SMAP2: variants seen among roughly 807,000 people sequenced by gnomAD.
SMAP2 encodes the protein small ArfGAP2.
SMAP2 carries 25 observed loss-of-function variants against 56.4 expected under a neutral mutation model. That is an observed-to-expected ratio of 0.44 (90% CI 0.32 to 0.62). The LOEUF (loss-of-function observed/expected upper bound fraction) is 0.62, where lower values mean the gene tolerates loss of function less well. Ranked by LOEUF, SMAP2 falls within the 20% of genes least tolerant of loss-of-function variation. SMAP2 has a pLI of 0.04. For missense variants in SMAP2, 388 were observed against 545.6 expected, an observed-to-expected ratio of 0.71 and a Z score of 2.88; for synonymous variants, 157 against 181.7, an observed-to-expected ratio of 0.86 and a Z score of 1.09.
At chr1:40,413,137 C>G (rs12068474) in intron 5 of SMAP2, 35 bp downstream of exon 5, 1 of 1,496,342 alleles carries the variant, frequency 6.7e-7, no homozygotes, top group Non-Finnish European at 9.3e-7. Context: ...TATGGACAGC[C>G]TCAGGTATGT....
In SMAP2 at chr1:40,422,514, A is replaced by T. The variant is rs1198291821; in HGVS notation, c.*413A>T. The stretch of plus-strand genomic sequence containing the variant: ...AGAGGTCCTTCTATATGTGTTAATA[A>T]GCTGTTTCTAAGTGTTTAAATTTGA... On this transcript the variant is annotated 3_prime_UTR_variant, in exon 10 of 10. Transcript: ENST00000372718. The T allele has an allele frequency of 5.7e-6, 1 of 176,362 alleles. No individual in the cohort carries two copies. Among genetic ancestry groups the T allele is most frequent in the African/African-American group, 2.3e-5 (1 of 42,736 alleles). 10.9% of individuals were successfully genotyped at this position (176,362 alleles called of 1,614,324 possible).
Position 40,385,580 on chromosome 1 carries a change from G to A in SMAP2, c.103+11357G>A, listed in dbSNP as rs1644645185. 6.6e-6 allele frequency among the ~76,000 whole-genome samples: 1 copy of A among 152,242 alleles called. No homozygotes were observed. Among genetic ancestry groups the A allele is most frequent in the Admixed American group, 6.5e-5 (1 of 15,282 alleles). On this transcript the variant is annotated intron_variant, in intron 1 of 9. Transcript: ENST00000372718. The surrounding 1 kb of genome is among the most constrained non-coding windows in gnomAD (Gnocchi z 4.5). ...TATTGAAACAGTGAAGCAAATGCGA[G>A]AGGGAGAGAGACCTACTCTCAGCTG... is the stretch of plus-strand genomic sequence containing the variant.
intron 1 of SMAP2, among the ~76,000 whole-genome samples, chr1:40,355,866 C>T (rs1359401564): frequency 1.3e-5 from 2 of 151,994 alleles, no homozygotes; most frequent in Non-Finnish European, 2.9e-5. Flanking sequence ...TGCCTCAGCC[C>T]CCCCAAAATG....
chr1:40,409,347 A>G (rs1644914025), intron 3 of SMAP2, among the ~76,000 whole-genome samples: 1 of 152,174 alleles, frequency 6.6e-6, no homozygotes, highest in South Asian at 2.1e-4. Context: ...CAGAAGACCC[A>G]CTGGTCAGAA....
chr1:40,368,187 G>A (rs1216868642), intron 2 of SMAP2, among the ~76,000 whole-genome samples: 1 of 143,448 alleles, frequency 7.0e-6, no homozygotes, highest in Non-Finnish European at 1.5e-5. Context: ...CCAATAACAG[G>A]AGCTGAAATT....
Position 40,388,247 on chromosome 1 carries a change from C to T in SMAP2, c.103+14024C>T, listed in dbSNP as rs111694426. Among the ~76,000 whole-genome samples the T allele has an allele frequency of 9.8e-4, 149 of 152,352 alleles. 1 individual carries two copies. The highest frequency in any genetic ancestry group is 3.3e-3 in the African/African-American group (136 of 41,600). On this transcript the variant is annotated intron_variant, in intron 1 of 9. Coordinates refer to ENST00000372718, the MANE Select transcript of SMAP2 (RefSeq NM_022733.3). ...GGCTGAGGTGTGTGGGCGCACAGCG[C>T]GGGACTGGCGGGCAGCTCCACCTGC...
At position 40,421,037 on chromosome 1, in the gene SMAP2, G is replaced by A. The variant is rs977927779; in HGVS notation, c.1165-939G>A. Among the ~76,000 whole-genome samples the A allele has an allele frequency of 2.7e-5, 4 of 150,014 alleles. No homozygotes were observed. The East Asian group carries it at 7.8e-4, about 29-fold the overall frequency. Reference sequence around the variant, plus strand: ...GGAATGAAATGTCGTGATAGCTGCAGCTTTTTTTTTTTTTTAATCTGCAAC... The same window carrying A: ...GGAATGAAATGTCGTGATAGCTGCAACTTTTTTTTTTTTTTAATCTGCAAC... On this transcript the variant is annotated intron_variant, in intron 9 of 9. Coordinates refer to ENST00000372718, the MANE Select transcript of SMAP2 (RefSeq NM_022733.3).
At chr1:40,400,689 G>C (rs1176980236) in intron 1 of SMAP2, among the ~76,000 whole-genome samples, 1 of 152,104 alleles carries the variant, frequency 6.6e-6, no homozygotes, top group Non-Finnish European at 1.5e-5. Context: ...GAGATTGAGA[G>C]CTTAGTTTGG....
chr1:40,385,697 C>T lies in SMAP2; in HGVS notation c.103+11474C>T, dbSNP rs76716252. 0.018 allele frequency among the ~76,000 whole-genome samples: 2,752 copies of T among 152,324 alleles called. 31 individuals are homozygous for T. Among genetic ancestry groups the T allele is most frequent in the Middle Eastern group, 0.041 (12 of 294 alleles). On this transcript the variant is annotated intron_variant, in intron 1 of 9. Coordinates refer to ENST00000372718, the MANE Select transcript of SMAP2 (RefSeq NM_022733.3). This position sits in a 1 kb window ranked among gnomAD's most constrained non-coding sequence, Gnocchi z 4.5. ...CAAATAGCCATGCTGTCTTTTGCAG[C>T]AGTTGCTGGTGACGGAATACCATAA...
Position 40,409,402 on chromosome 1 carries a change from C to T in SMAP2, c.324-355C>T, listed in dbSNP as rs146983794. ...AGTTTATGTTTTTAAGGGGCACTTA[C>T]GTGCCTTTGTTTGAGGCCTATTGAC... On this transcript the variant is annotated intron_variant, in intron 3 of 9. Coordinates refer to ENST00000372718, the MANE Select transcript of SMAP2 (RefSeq NM_022733.3). 2.1e-3 allele frequency among the ~76,000 whole-genome samples: 322 copies of T among 152,292 alleles called. 2 individuals are homozygous for T. Among genetic ancestry groups the T allele is most frequent in the African/African-American group, 7.1e-3 (296 of 41,554 alleles).
In SMAP2 at chr1:40,374,778, A is replaced by G; in HGVS notation, c.103+555A>G. ...TTTTGCAGCCTTGCTAAGATCTGAC[A>G]AGAGTGCTTAGGTGACTTTATTCTT... On this transcript the variant is annotated intron_variant, in intron 1 of 9. Transcript: ENST00000372718. This position sits in a 1 kb window ranked among gnomAD's most constrained non-coding sequence, Gnocchi z 5.9. 2.6e-6 allele frequency: 4 copies of G among 1,550,508 alleles called. No homozygotes were observed. Among genetic ancestry groups the G allele is most frequent in the East Asian group, 2.4e-5 (1 of 40,924 alleles).
chr1:40,373,985 G>A lies in SMAP2; in HGVS notation c.-136G>A, dbSNP rs1644516940. The A allele has an allele frequency of 7.8e-6, 5 of 638,796 alleles. No individual in the cohort carries two copies. The highest frequency in any genetic ancestry group is 1.4e-5 in the Non-Finnish European group (5 of 363,156). The allele number at this position is 638,796 out of a possible 1,614,324, so 39.6% of individuals were successfully genotyped here. A position where few individuals can be genotyped will look rare whatever the true frequency, so the allele number is the denominator to read the frequency against. Reference sequence around the variant, plus strand: ...CGACCCGGGAAGGGGCGTCCGGCGGGGCCGGAGGAGAGGGCTCTCCCCGCT... The same window carrying A: ...CGACCCGGGAAGGGGCGTCCGGCGGAGCCGGAGGAGAGGGCTCTCCCCGCT... On this transcript the variant is annotated 5_prime_UTR_variant, in exon 1 of 10. Transcript: ENST00000372718.
At chr1:40,346,312 G>T (rs1335424889) in intron 1 of SMAP2, among the ~76,000 whole-genome samples, 1 of 151,888 alleles carries the variant, frequency 6.6e-6, no homozygotes, top group Non-Finnish European at 1.5e-5. Flanking sequence ...ATAATGCATT[G>T]TGCATTTAAT....
intron 1 of SMAP2, among the ~76,000 whole-genome samples, chr1:40,389,932 C>T (rs432240): frequency 0.29 from 42,887 of 145,542 alleles, 6,834 homozygotes; most frequent in Non-Finnish European, 0.37. Flanking sequence ...CCCGCCCACC[C>T]CCAGACCTGC....
chr1:40,365,243 T>C (rs957913176), intron 2 of SMAP2: 4 of 152,950 alleles, frequency 2.6e-5, no homozygotes, highest in African/African-American at 9.6e-5. Flanking sequence ...GGTGTGAGGA[T>C]CATTTTAGGC....
intron 1 of SMAP2, among the ~76,000 whole-genome samples, chr1:40,356,623 G>A (rs1167713317): frequency 6.6e-6 from 1 of 152,002 alleles, no homozygotes; most frequent in Non-Finnish European, 1.5e-5. Flanking sequence ...TGTCAACCAG[G>A]ATGGTTTCGA....
chr1:40,405,852 C>A (rs1325233761), intron 1 of SMAP2, among the ~76,000 whole-genome samples: 3 of 152,122 alleles, frequency 2.0e-5, no homozygotes, highest in African/African-American at 7.2e-5. Context: ...GATTCTGTAA[C>A]AGTTTTGAAT....
rs1430711652 is a variant in SMAP2, at chr1:40,418,989, A to AT, written c.1164+1895dup. Among the ~76,000 whole-genome samples, 5 of 152,328 alleles carry AT rather than the reference A, an allele frequency of 3.3e-5. No homozygotes were observed. In the East Asian group the frequency reaches 7.7e-4, roughly 23 times the overall value. On this transcript the variant is annotated intron_variant, in intron 9 of 9. Coordinates refer to ENST00000372718, the MANE Select transcript of SMAP2 (RefSeq NM_022733.3). ...ACTGATGGTGAGAATTGAATGTTTA[A>AT]TTGAGAATCTAAGACTAAAACAAAG...
chr1:40,415,401 C>T lies in SMAP2; in HGVS notation c.681+20C>T. 1 of 1,480,838 alleles carries T rather than the reference C, an allele frequency of 6.8e-7. No homozygotes were observed. Among genetic ancestry groups the T allele is most frequent in the East Asian group, 2.3e-5 (1 of 44,264 alleles). The allele number at this position is 1,480,838 out of a possible 1,614,324, so 91.7% of individuals were successfully genotyped here. A position where few individuals can be genotyped will look rare whatever the true frequency, so the allele number is the denominator to read the frequency against. On this transcript the variant is annotated intron_variant, in intron 7 of 9. Coordinates refer to ENST00000372718, the MANE Select transcript of SMAP2 (RefSeq NM_022733.3). ...AGAAAGGTGAGTCTTGTGGGCTCCT[C>T]AGGATTAAAGAACATTCTGAAATGG...
Sources: gnomAD v4.1 joint callset for allele counts (sites outside exome capture counted in the v4.1 genomes callset) on GRCh38, gnomAD v4.1.1 for gene constraint, Gnocchi (gnomAD v3.1) non-coding constraint, MANE v1.5 for transcripts, NCBI Gene and HGNC (gene_info 2026-07-23, HGNC 2026-07-21) for gene names.